Variants in CDC14A observed in about 807,000 individuals in gnomAD.
CDC14A encodes dual specificity protein phosphatase CDC14A.
Under a neutral mutation model 74.4 loss-of-function variants are expected in CDC14A, and 53 were observed. The observed-to-expected ratio is 0.71, with a 90% confidence interval of 0.57 to 0.89. The LOEUF is 0.89. Ranked by LOEUF, CDC14A falls within the 40% of genes least tolerant of loss-of-function variation. The pLI is 0.00. For synonymous variants in CDC14A, 247 were observed against 258.4 expected, an observed-to-expected ratio of 0.96 and a Z score of 0.43; for missense variants, 646 against 713.7, an observed-to-expected ratio of 0.91 and a Z score of 1.08.
chr1:100,515,984 G>C (rs1650184458), intron 15 of CDC14A, among the ~76,000 whole-genome samples: 1 of 152,218 alleles, frequency 6.6e-6, no homozygotes, highest in Admixed American at 6.5e-5. Flanking sequence ...TTTGTTTGCA[G>C]AGGCCTGCAG....
upstream of CDC14A, among the ~76,000 whole-genome samples, chr1:100,350,117 A>G (rs549250301): frequency 1.3e-5 from 2 of 152,050 alleles, no homozygotes; most frequent in South Asian, 2.1e-4. Flanking sequence ...ATTCCTGGCT[A>G]ATTTTTTTGT....
chr1:100,430,337 C>T (rs1465675693), intron 5 of CDC14A, among the ~76,000 whole-genome samples: 1 of 152,176 alleles, frequency 6.6e-6, no homozygotes, highest in East Asian at 1.9e-4. Flanking sequence ...CACACCCCTC[C>T]CACTGGCAAT....
chr1:100,411,791 G>A (rs1415898299), intron 4 of CDC14A, among the ~76,000 whole-genome samples: 1 of 152,184 alleles, frequency 6.6e-6, no homozygotes. Flanking sequence ...GAAAATCCCT[G>A]TCCTGACAGA....
At chr1:100,367,895 C>T (rs1455517629) in intron 2 of CDC14A, among the ~76,000 whole-genome samples, 1 of 152,102 alleles carries the variant, frequency 6.6e-6, no homozygotes, top group Non-Finnish European at 1.5e-5. Flanking sequence ...TGGATAGCAG[C>T]CTACTCTTAA....
intron 10 of CDC14A, among the ~76,000 whole-genome samples, chr1:100,468,886 TC>T (rs1448100663): frequency 6.6e-6 from 1 of 152,114 alleles, no homozygotes; most frequent in Non-Finnish European, 1.5e-5. Context: ...CATTTTTTTT[TC>T]TTTTTATGCT....
intron 5 of CDC14A, 146 bp from the exon 6 acceptor site, chr1:100,439,786 A>T: frequency 1.7e-6 from 1 of 605,500 alleles, no homozygotes; most frequent in Non-Finnish European, 2.9e-6. Context: ...GTAGTTAATT[A>T]GTAGGATCTA....
At chr1:100,438,627 G>A (rs1664599431) in intron 5 of CDC14A, among the ~76,000 whole-genome samples, 1 of 152,148 alleles carries the variant, frequency 6.6e-6, no homozygotes, top group Admixed American at 6.5e-5. Context: ...CCCTCCTTTT[G>A]AAATGAGACA....
chr1:100,439,870 T>C (rs188366567), intron 5 of CDC14A, 62 bp from the exon 6 acceptor site: 4 of 1,209,380 alleles, frequency 3.3e-6, no homozygotes, highest in South Asian at 2.5e-5. Context: ...TTTGGTGTTA[T>C]ATTTTATTAT....
At chr1:100,436,148 T>C (rs1467728485) in intron 5 of CDC14A, among the ~76,000 whole-genome samples, 1 of 152,140 alleles carries the variant, frequency 6.6e-6, no homozygotes, top group Non-Finnish European at 1.5e-5. Flanking sequence ...AAAAATTCCT[T>C]AGAAGGGATC....
intron 4 of CDC14A, among the ~76,000 whole-genome samples, chr1:100,392,038 A>C (rs890416869): frequency 6.6e-6 from 1 of 152,228 alleles, no homozygotes; most frequent in South Asian, 2.1e-4. Flanking sequence ...GATGCACTTT[A>C]TCTCTCTCAG....
At chr1:100,430,862 T>G (rs1358459045) in intron 5 of CDC14A, among the ~76,000 whole-genome samples, 1 of 152,246 alleles carries the variant, frequency 6.6e-6, no homozygotes, top group Non-Finnish European at 1.5e-5. Flanking sequence ...TTCCTTTCAT[T>G]CTCAACTTTT....
At chr1:100,430,087 G>T (rs1253554471) in intron 5 of CDC14A, among the ~76,000 whole-genome samples, 1 of 152,000 alleles carries the variant, frequency 6.6e-6, no homozygotes, top group Non-Finnish European at 1.5e-5. Context: ...ATATCCAGCA[G>T]AACTCCTGTT....
chr1:100,452,777 T>C (rs972641066), intron 7 of CDC14A, among the ~76,000 whole-genome samples: 5 of 152,168 alleles, frequency 3.3e-5, no homozygotes, highest in Admixed American at 3.3e-4. Flanking sequence ...AGTGGTAATA[T>C]CATACTCTTG....
At chr1:100,460,487 C>T (rs1667214668) in intron 8 of CDC14A, among the ~76,000 whole-genome samples, 1 of 152,168 alleles carries the variant, frequency 6.6e-6, no homozygotes, top group Admixed American at 6.5e-5. Flanking sequence ...GAAGCTCTCA[C>T]CAGCCCGCCA....
intron 8 of CDC14A, among the ~76,000 whole-genome samples, chr1:100,461,718 C>T (rs1459320727): frequency 6.6e-6 from 1 of 152,038 alleles, no homozygotes; most frequent in Non-Finnish European, 1.5e-5. Context: ...TGGAGCCACT[C>T]AAAAATAAAA....
chr1:100,357,492 C>T (rs778261699), intron 2 of CDC14A, among the ~76,000 whole-genome samples: 7 of 152,030 alleles, frequency 4.6e-5, no homozygotes, highest in South Asian at 2.1e-4. Context: ...CGTCCTACAG[C>T]GAGAAAGATT....
At chr1:100,354,882 A>C (rs1487431841) in intron 2 of CDC14A, among the ~76,000 whole-genome samples, 1 of 152,246 alleles carries the variant, frequency 6.6e-6, no homozygotes, top group African/African-American at 2.4e-5. Context: ...TTCGAAGAGT[A>C]AGTGTTCTGG....
chr1:100,498,203 A>G lies in CDC14A; in HGVS notation c.1417A>G (p.Arg473Gly), dbSNP rs1648154989. ...TTCTTTGTCTTCGGGTGCCACTGTAAGAAGGTAATTTTTCTCTCCCTCTTC... is the reference window on the plus strand; with the variant it reads ...TTCTTTGTCTTCGGGTGCCACTGTAGGAAGGTAATTTTTCTCTCCCTCTTC... ...RTSLSSGATV[R>G]SFSINSRLAS... The change falls in exon 14 of 16, where the codon AGA (arginine) becomes GGA (glycine). Residue 473 changes from arginine to glycine, a missense_variant. Physicochemically the swap from Arg to Gly is moderately radical, Grantham distance 125. Coordinates refer to ENST00000336454, the MANE Select transcript of CDC14A (RefSeq NM_003672.4). 1.2e-6 allele frequency: 2 copies of G among 1,613,490 alleles called. No individual in the cohort carries two copies. The highest frequency in any genetic ancestry group is 4.5e-5 in the East Asian group (2 of 44,882).
At chr1:100,433,886 C>T (rs1250327482) in intron 5 of CDC14A, among the ~76,000 whole-genome samples, 1 of 152,100 alleles carries the variant, frequency 6.6e-6, no homozygotes, top group East Asian at 1.9e-4. Context: ...TTTGGGCTCT[C>T]AAAATTTCTG....
Sources: gnomAD v4.1 joint callset for allele counts (sites outside exome capture counted in the v4.1 genomes callset) on GRCh38, gnomAD v4.1.1 for gene constraint, MANE v1.5 for transcripts, NCBI Gene and HGNC (gene_info 2026-07-23, HGNC 2026-07-21) for gene names.